The following MITF variants were observed in gnomAD, a reference collection of about 807,000 sequenced individuals.
The protein encoded by MITF is microphthalmia-associated transcription factor.
A neutral mutation model predicts 60.5 loss-of-function variants in MITF; 17 were observed. That is an observed-to-expected ratio of 0.28 (90% CI 0.19 to 0.42). The LOEUF (loss-of-function observed/expected upper bound fraction) is 0.42. Among genes scored for constraint, MITF ranks in the 10% least tolerant of loss-of-function variants. The pLI is 1.00. For synonymous variants in MITF, 260 were observed against 248.5 expected, an observed-to-expected ratio of 1.05 and a Z score of -0.43; for missense variants, 622 against 683.5, an observed-to-expected ratio of 0.91 and a Z score of 1.00.
intron 2 of MITF, among the ~76,000 whole-genome samples, chr3:69,896,677 G>A (rs1199516504): frequency 3.3e-5 from 5 of 152,112 alleles, no homozygotes; most frequent in Admixed American, 6.6e-5. Context: ...TTTGCAGAAC[G>A]TGATGTTTTC....
intron 1 of MITF, among the ~76,000 whole-genome samples, chr3:69,795,775 CA>C (rs1432946078): frequency 6.6e-6 from 1 of 151,992 alleles, no homozygotes; most frequent in Non-Finnish European, 1.5e-5. Context: ...CAAATATTTT[CA>C]AAATATTTCT....
chr3:69,945,801 A>T (rs1417139753), intron 5 of MITF, among the ~76,000 whole-genome samples: 3 of 152,204 alleles, frequency 2.0e-5, no homozygotes, highest in Non-Finnish European at 4.4e-5. Context: ...CTGCAGGTGC[A>T]TCAACTGAAA....
At chr3:69,753,034 G>A (rs1703993892) in intron 1 of MITF, among the ~76,000 whole-genome samples, 1 of 152,218 alleles carries the variant, frequency 6.6e-6, no homozygotes, top group Admixed American at 6.5e-5. Flanking sequence ...AAGCATTTCA[G>A]AGAACTTTGC....
At chr3:69,758,225 G>A (rs1443165464) in intron 1 of MITF, among the ~76,000 whole-genome samples, 2 of 151,698 alleles carry the variant, frequency 1.3e-5, no homozygotes, top group South Asian at 2.1e-4. Context: ...ATTAGAGTGC[G>A]GGGATGCAAT....
At chr3:69,935,972 G>C (rs943525899) in intron 2 of MITF, among the ~76,000 whole-genome samples, 1 of 152,096 alleles carries the variant, frequency 6.6e-6, no homozygotes, top group African/African-American at 2.4e-5. Flanking sequence ...GAATTAAATA[G>C]GGGAGATATT....
At chr3:69,840,778 G>T (rs1237714479) in intron 1 of MITF, among the ~76,000 whole-genome samples, 1 of 144,144 alleles carries the variant, frequency 6.9e-6, no homozygotes, top group African/African-American at 2.6e-5. Context: ...TTTTGAAACA[G>T]AATCTCACTC....
intron 9 of MITF, 40 bp downstream of exon 9, chr3:69,959,460 C>T (rs771207649): frequency 1.2e-6 from 2 of 1,611,756 alleles, no homozygotes; most frequent in East Asian, 2.2e-5. Context: ...TGCTTTTTAC[C>T]GACTTCAAGA....
At chr3:69,879,492 T>C in intron 2 of MITF, 109 bp downstream of exon 2, 1 of 1,549,924 alleles carries the variant, frequency 6.5e-7, no homozygotes, top group Non-Finnish European at 8.8e-7. Context: ...CCTTCAGAAT[T>C]ATATTTGAAA....
At chr3:69,946,094 G>A (rs1240567729) in intron 5 of MITF, among the ~76,000 whole-genome samples, 2 of 152,182 alleles carry the variant, frequency 1.3e-5, no homozygotes, top group South Asian at 2.1e-4. Flanking sequence ...AATCATAGCA[G>A]TTACCACTTA....
chr3:69,805,300 A>G (rs1313843752), intron 1 of MITF, among the ~76,000 whole-genome samples: 1 of 152,202 alleles, frequency 6.6e-6, no homozygotes, highest in East Asian at 1.9e-4. Context: ...TTATAATTTT[A>G]TCTAAAATTT....
intron 1 of MITF, among the ~76,000 whole-genome samples, chr3:69,785,708 G>A (rs1421330055): frequency 2.6e-5 from 4 of 152,160 alleles, no homozygotes; most frequent in Non-Finnish European, 5.9e-5. Context: ...GAGGTTTTGA[G>A]TGAGAGGGAA....
At chr3:69,832,806 T>C (rs1000455253) in intron 1 of MITF, among the ~76,000 whole-genome samples, 1 of 152,236 alleles carries the variant, frequency 6.6e-6, no homozygotes, top group African/African-American at 2.4e-5. Flanking sequence ...ATAGTTTGTC[T>C]GGTTACACTG....
At chr3:69,902,040 G>A (rs2065005107) in intron 2 of MITF, among the ~76,000 whole-genome samples, 1 of 152,144 alleles carries the variant, frequency 6.6e-6, no homozygotes, top group East Asian at 1.9e-4. Flanking sequence ...CTGAGCTGTG[G>A]CCACACTCCA....
In MITF at chr3:69,823,552, C is replaced by A. The variant is rs78537809; in HGVS notation, c.105-55582C>A. On this transcript the variant is annotated intron_variant, in intron 1 of 9. Transcript: ENST00000352241. ...TCTAAACTCAATTACCTCCCAAAGG[C>A]CCCACCACCGAATATCATCATATTA... Among the ~76,000 whole-genome samples the A allele has an allele frequency of 2.0e-5, 3 of 152,172 alleles. No homozygotes were observed. The East Asian group carries it at 5.8e-4, about 29-fold the overall frequency.
chr3:69,802,165 C>G (rs369764605), intron 1 of MITF, among the ~76,000 whole-genome samples: 1 of 152,114 alleles, frequency 6.6e-6, no homozygotes, highest in African/African-American at 2.4e-5. Context: ...TGGGCAATGT[C>G]TGGAGAGCTG....
intron 1 of MITF, among the ~76,000 whole-genome samples, chr3:69,787,381 T>G (rs985408579): frequency 1.3e-5 from 2 of 152,218 alleles, no homozygotes; most frequent in African/African-American, 4.8e-5. Flanking sequence ...TTTTCTTGTA[T>G]TCTCATGTTA....
chr3:69,927,804 A>G (rs1279554502), intron 2 of MITF, among the ~76,000 whole-genome samples: 1 of 152,228 alleles, frequency 6.6e-6, no homozygotes, highest in Non-Finnish European at 1.5e-5. Context: ...CAGTTCACAC[A>G]TCACCCCCAC....
intron 1 of MITF, among the ~76,000 whole-genome samples, chr3:69,776,856 TC>T (rs1212581822): frequency 3.3e-5 from 5 of 152,256 alleles, no homozygotes; most frequent in Admixed American, 1.3e-4. Flanking sequence ...TATGATTATT[TC>T]CATTATTTTT....
At chr3:69,913,332 G>A (rs78891893) in intron 2 of MITF, among the ~76,000 whole-genome samples, 2,346 of 152,160 alleles carry the variant, frequency 0.015, 28 homozygotes, top group Middle Eastern at 0.051. Context: ...TTAATGTACA[G>A]TGTTAGTAGT....
Sources: allele counts gnomAD v4.1 joint callset (sites outside exome capture counted in the v4.1 genomes callset), GRCh38; gene constraint gnomAD v4.1.1; transcripts MANE v1.5; gene names NCBI Gene and HGNC (gene_info 2026-07-23, HGNC 2026-07-21).